Variants in DNA2 observed in about 807,000 individuals in gnomAD.
DNA2 encodes the protein DNA replication helicase/nuclease 2.
In DNA2, 101 loss-of-function variants were observed where a neutral mutation model predicts 119.1. That is an observed-to-expected ratio of 0.85 (90% CI 0.72 to 1.00). The LOEUF is 1.00. Ranked by LOEUF, DNA2 falls within the 50% of genes least tolerant of loss-of-function variation. The pLI, the probability that DNA2 is intolerant of heterozygous loss-of-function variation, is 0.00. For missense variants in DNA2, 1,121 were observed against 1,255.5 expected, an observed-to-expected ratio of 0.89 and a Z score of 1.62; for synonymous variants, 366 against 424.4, an observed-to-expected ratio of 0.86 and a Z score of 1.69.
intron 5 of DNA2, among the ~76,000 whole-genome samples, chr10:68,452,045 G>A (rs1223069776): frequency 2.0e-5 from 3 of 151,918 alleles, no homozygotes; most frequent in Non-Finnish European, 4.4e-5. Context: ...GAAGACAGTA[G>A]TGCAATTCAG....
chr10:68,429,079 A>G (rs541142539), intron 14 of DNA2, among the ~76,000 whole-genome samples: 9 of 152,324 alleles, frequency 5.9e-5, no homozygotes, highest in African/African-American at 1.9e-4. Context: ...AAATTTATCA[A>G]TAACAGGGAC....
intron 14 of DNA2, chr10:68,424,502 T>C (rs1194317393): frequency 1.4e-5 from 8 of 555,286 alleles, no homozygotes; most frequent in Non-Finnish European, 2.5e-5. Flanking sequence ...AGTCACTGTC[T>C]CAAAAAAAAA....
chr10:68,442,400 T>C (rs779545679), intron 9 of DNA2, among the ~76,000 whole-genome samples: 1 of 149,502 alleles, frequency 6.7e-6, no homozygotes, highest in Non-Finnish European at 1.5e-5. Context: ...TTGTTTTTGT[T>C]TTTTTGTGAC....
intron 19 of DNA2, 123 bp from the exon 20 acceptor site, chr10:68,416,978 T>C: frequency 1.2e-6 from 1 of 807,554 alleles, no homozygotes; most frequent in Admixed American, 2.9e-5. Flanking sequence ...GTGTAGTGGC[T>C]CATGCCTGTA....
chr10:68,451,476 C>T (rs947459578), intron 5 of DNA2, among the ~76,000 whole-genome samples: 2 of 152,030 alleles, frequency 1.3e-5, no homozygotes, highest in Admixed American at 6.6e-5. Flanking sequence ...AGAGCAGTTA[C>T]GGTTATTCTG....
chr10:68,443,569 A>G (rs1302846295), intron 8 of DNA2, among the ~76,000 whole-genome samples: 1 of 152,236 alleles, frequency 6.6e-6, no homozygotes, highest in Non-Finnish European at 1.5e-5. Flanking sequence ...GACGATAAAC[A>G]TAAGATTTCA....
In DNA2 at chr10:68,471,939, G is replaced by T; in HGVS notation, c.-75C>A. The T allele has an allele frequency of 6.2e-7, 1 of 1,613,450 alleles. No individual in the cohort carries two copies. The highest frequency in any genetic ancestry group is 8.5e-7 in the Non-Finnish European group (1 of 1,179,472). ...GGGTAACACAGAAAGCTTAGAAAAGGGAAAAAGGCGCGAGCCTGCGCACCT... is the reference window on the plus strand; with the variant it reads ...GGGTAACACAGAAAGCTTAGAAAAGTGAAAAAGGCGCGAGCCTGCGCACCT... On this transcript the variant is annotated 5_prime_UTR_variant, in exon 1 of 21. Coordinates refer to ENST00000358410, the MANE Select transcript of DNA2 (RefSeq NM_001080449.3).
chr10:68,443,501 C>T (rs968080810), intron 8 of DNA2, among the ~76,000 whole-genome samples: 3 of 152,122 alleles, frequency 2.0e-5, no homozygotes, highest in Non-Finnish European at 4.4e-5. Flanking sequence ...TTGCTTAATA[C>T]CAGATTAAAA....
Position 68,416,765 on chromosome 10 carries a change from G to C in DNA2, c.3058C>G (p.Leu1020Val). The part of the protein sequence containing the change: ...KLILLGCVPS[L>V]NCYPPLEKLL... The stretch of plus-strand genomic sequence containing the variant: ...TTCTCCAAAGGAGGATAGCAATTTA[G>C]TGAGGGCACACACCCCAGAAGAATC... Residue 1020 changes from leucine (L) to valine (V), a missense_variant, in exon 20 of 21, where the codon CTA (leucine) becomes GTA (valine). Coordinates refer to ENST00000358410, the MANE Select transcript of DNA2 (RefSeq NM_001080449.3). The C allele has an allele frequency of 6.2e-7, 1 of 1,613,858 alleles. No individual in the cohort carries two copies. Among genetic ancestry groups the C allele is most frequent in the South Asian group, 1.1e-5 (1 of 91,084 alleles).
upstream of DNA2, chr10:68,472,226 C>G (rs1372413833): frequency 6.6e-6 from 8 of 1,217,056 alleles, no homozygotes; most frequent in Non-Finnish European, 8.4e-6. Flanking sequence ...TCCCAAGTAG[C>G]TGGGACTACA....
rs1309316377 is a variant in DNA2, at chr10:68,459,138, T to C, written c.685A>G (p.Thr229Ala). 12 of 1,599,884 alleles carry C rather than the reference T, an allele frequency of 7.5e-6. No individual in the cohort carries two copies. The highest frequency in any genetic ancestry group is 2.2e-5 in the East Asian group (1 of 44,622). Residue 229 changes from threonine to alanine, a missense_variant, in exon 5 of 21, where the codon ACT becomes GCT. Transcript: ENST00000358410. ...KWAGDFMHKN[T>A]STDFPQMQLS... Reference sequence around the variant, plus strand: ...TGCATCTGAGGGAAGTCAGTCGAAGTGTTTTTATGCATGAAATCTCCTGCC... The same window carrying C: ...TGCATCTGAGGGAAGTCAGTCGAAGCGTTTTTATGCATGAAATCTCCTGCC...
intron 14 of DNA2, among the ~76,000 whole-genome samples, chr10:68,428,531 C>T (rs143403531): frequency 6.6e-6 from 1 of 152,254 alleles, no homozygotes; most frequent in East Asian, 1.9e-4. Context: ...TGATTGTTTA[C>T]AGCAGCTTTA....
At chr10:68,444,157 C>T (rs963311303) in intron 8 of DNA2, among the ~76,000 whole-genome samples, 5 of 150,896 alleles carry the variant, frequency 3.3e-5, no homozygotes, top group African/African-American at 1.2e-4. Context: ...TTTGGGAGGC[C>T]GAGGTGGGCG....
At chr10:68,457,093 C>T (rs1402145270) in intron 5 of DNA2, among the ~76,000 whole-genome samples, 1 of 150,526 alleles carries the variant, frequency 6.6e-6, no homozygotes, top group African/African-American at 2.5e-5. Context: ...AAGATCGCGC[C>T]ACTGCACTCC....
chr10:68,421,554 G>T (rs1400038596), intron 17 of DNA2, among the ~76,000 whole-genome samples: 1 of 151,918 alleles, frequency 6.6e-6, no homozygotes, highest in Non-Finnish European at 1.5e-5. Context: ...AGGAGTTCAA[G>T]ACCAGCCTGG....
At chr10:68,451,096 T>TAAAAA (rs754298528) in intron 5 of DNA2, among the ~76,000 whole-genome samples, 75 of 98,768 alleles carry the variant, frequency 7.6e-4, no homozygotes, top group East Asian at 1.7e-3. Context: ...CAAGACTGTC[T>TAAAAA]AAAAAAAAAA....
At chr10:68,462,205 T>TG (rs2052268808) in intron 4 of DNA2, among the ~76,000 whole-genome samples, 1 of 152,054 alleles carries the variant, frequency 6.6e-6, no homozygotes, top group Non-Finnish European at 1.5e-5. Context: ...ACCCTGTCTC[T>TG]ACTCACAAAC....
At chr10:68,448,787 T>C (rs1223627721) in intron 6 of DNA2, among the ~76,000 whole-genome samples, 2 of 145,302 alleles carry the variant, frequency 1.4e-5, no homozygotes, top group Non-Finnish European at 1.5e-5. Context: ...TATTTATTTA[T>C]TTATTTTTGA....
At chr10:68,424,455 GATC>G (rs2051707979) in intron 14 of DNA2, 2 of 547,356 alleles carry the variant, frequency 3.7e-6, no homozygotes, top group Admixed American at 5.6e-5. Context: ...AGTGAGCCTT[GATC>G]ATGCCACTGA....
Sources: gnomAD v4.1 joint callset for allele counts (sites outside exome capture counted in the v4.1 genomes callset) on GRCh38, gnomAD v4.1.1 for gene constraint, MANE v1.5 for transcripts, NCBI Gene and HGNC (gene_info 2026-07-23, HGNC 2026-07-21) for gene names.